MAG: variants seen among roughly 807,000 people sequenced by gnomAD.
The protein encoded by MAG is myelin associated glycoprotein, also known as myelin-associated glycoprotein.
A neutral mutation model predicts 60.7 loss-of-function variants in MAG; 30 were observed. The observed-to-expected ratio is 0.49, with a 90% CI of 0.37 to 0.67. MAG has a LOEUF of 0.67. Among genes scored for constraint, MAG ranks in the 30% least tolerant of loss-of-function variants. The probability of loss-of-function intolerance (pLI) is 0.00; values close to 1 mark genes in which losing one functional copy is unlikely to be tolerated. For missense variants in MAG, 795 were observed against 851.7 expected (o/e 0.93, Z 0.83); for synonymous variants, 384 against 376.8 (o/e 1.02, Z -0.22).
chr19:35,298,819 A>G (rs1298238828), intron 4 of MAG, among the ~76,000 whole-genome samples: 1 of 149,454 alleles, frequency 6.7e-6, no homozygotes, highest in African/African-American at 2.5e-5. Flanking sequence ...CTGCACACAT[A>G]CATGTACTAC....
At chr19:35,306,395 T>C (rs1394513206) in intron 7 of MAG, among the ~76,000 whole-genome samples, 1 of 152,138 alleles carries the variant, frequency 6.6e-6, no homozygotes, top group South Asian at 2.1e-4. Context: ...GTTCTGTCTA[T>C]CCACCCATGA....
intron 5 of MAG, 97 bp downstream of exon 5, chr19:35,299,947 G>C (rs1267087454): frequency 5.7e-6 from 7 of 1,229,666 alleles, no homozygotes; most frequent in Non-Finnish European, 7.3e-6. Flanking sequence ...GGGCCGGGCC[G>C]TGATGGGGGC....
chr19:35,302,509 T>C lies in MAG; in HGVS notation c.1032T>C (p.Ser344=), dbSNP rs1285384991. The C allele has an allele frequency of 7.4e-6, 12 of 1,614,098 alleles. No individual in the cohort carries two copies. The highest frequency in any genetic ancestry group is 1.3e-5 in the African/African-American group (1 of 74,938). The change falls in exon 7 of 11, where the codon TCT becomes TCC. Residue 344 remains serine, a synonymous_variant. Coordinates refer to ENST00000392213, the MANE Select transcript of MAG (RefSeq NM_002361.4). ...TMVAVEGETV[S]ILCSTQSNPD... ...TGGCCGTAGAGGGGGAGACGGTCTC[T>C]ATCTTGTGCTCCACACAGAGCAACC...
intron 10 of MAG, 134 bp downstream of exon 10, chr19:35,312,151 G>A (rs1384345538): frequency 1.6e-6 from 2 of 1,249,336 alleles, no homozygotes; most frequent in Non-Finnish European, 1.2e-6. Context: ...ACATTCCAGG[G>A]CTGGGTTGGA....
At chr19:35,311,012 A>G (rs2066522865) in intron 9 of MAG, among the ~76,000 whole-genome samples, 2 of 145,432 alleles carry the variant, frequency 1.4e-5, no homozygotes, top group South Asian at 2.2e-4. Context: ...AGAAGCCCCA[A>G]AGATTACACA....
chr19:35,300,297 T>G lies in MAG; in HGVS notation c.863T>G (p.Leu288Arg). The change falls in exon 6 of 11, where the codon CTG (leucine) becomes CGG (arginine). Residue 288 changes from leucine to arginine, a missense_variant. Physicochemically the swap from Leu to Arg is moderately radical, Grantham distance 102 (BLOSUM62 -2). Coordinates refer to ENST00000392213, the MANE Select transcript of MAG (RefSeq NM_002361.4). ...CTCCGGGAGGCGGTGGCCGAGAGCCTGCTCCTGGAGCTGGAGGAGGTGACC... is the reference window on the plus strand; with the variant it reads ...CTCCGGGAGGCGGTGGCCGAGAGCCGGCTCCTGGAGCTGGAGGAGGTGACC... ...TVLREAVAESLLLELEEVTPA... is the reference protein window; with the variant it reads ...TVLREAVAESRLLELEEVTPA... 1 of 1,599,772 alleles carries G rather than the reference T, an allele frequency of 6.3e-7. No individual in the cohort carries two copies. Among genetic ancestry groups the G allele is most frequent in the Non-Finnish European group, 8.5e-7 (1 of 1,179,278 alleles).
Position 35,302,540 on chromosome 19 carries a change from C to A in MAG, c.1063C>A (p.Pro355Thr). 1.2e-6 allele frequency: 2 copies of A among 1,614,182 alleles called. No individual in the cohort carries two copies. The highest frequency in any genetic ancestry group is 1.7e-6 in the Non-Finnish European group (2 of 1,180,032). The change falls in exon 7 of 11, where the codon CCT (proline) becomes ACT (threonine). Residue 355 changes from proline (P) to threonine (T), a missense_variant. Transcript: ENST00000392213. The stretch of plus-strand genomic sequence containing the variant: ...GTGCTCCACACAGAGCAACCCGGAC[C>A]CTATTCTCACCATCTTCAAGGAGAA... The part of the protein sequence containing the change: ...ILCSTQSNPD[P>T]ILTIFKEKQI...
rs760694257 is a variant in MAG, at chr19:35,299,707, G to A, written c.569G>A (p.Arg190Gln). ...LGEPAVLGRL[R>Q]EDEGTWVQVS... The stretch of plus-strand genomic sequence containing the variant: ...GAGCCCGCTGTGCTGGGCCGGCTGC[G>A]GGAGGACGAGGGCACCTGGGTGCAG... Residue 190 changes from arginine (R) to glutamine (Q), a missense_variant, in exon 5 of 11, where the codon CGG becomes CAG. Coordinates refer to ENST00000392213, the MANE Select transcript of MAG (RefSeq NM_002361.4). 25 of 1,578,782 alleles carry A rather than the reference G, an allele frequency of 1.6e-5. No individual in the cohort carries two copies. The highest frequency in any genetic ancestry group is 2.0e-5 in the Non-Finnish European group (23 of 1,163,710).
rs80076378 is a variant in MAG at position 35,309,716 on chromosome 19, G to A, written c.1232-158G>A. ...TCGTAGTGAGGTCAAGGCGCTCTCAGTCAGGACAGAGAAAAAAGGAGGGGA... is the reference window on the plus strand; with the variant it reads ...TCGTAGTGAGGTCAAGGCGCTCTCAATCAGGACAGAGAAAAAAGGAGGGGA... On this transcript the variant is annotated intron_variant, in intron 7 of 10. Transcript: ENST00000392213. 6,615 of 807,966 alleles carry A rather than the reference G, an allele frequency of 8.2e-3. 282 individuals carry two copies. The East Asian group carries it at 0.1, about 13-fold the overall frequency. The allele number at this position is 807,966 out of a possible 1,614,324, so 50.0% of individuals were successfully genotyped here. A position where few individuals can be genotyped will look rare whatever the true frequency, so the allele number is the denominator to read the frequency against.
chr19:35,312,391 T>C (rs1416966757), intron 10 of MAG: 1 of 1,395,446 alleles, frequency 7.2e-7, no homozygotes. Flanking sequence ...TTGGCGTGCA[T>C]GTCCGTGTGT....
rs2066457058 is a variant in MAG at position 35,302,626 on chromosome 19, A to G, written c.1149A>G (p.Ser383=). 1.2e-6 allele frequency: 2 copies of G among 1,614,062 alleles called. No individual in the cohort carries two copies. The highest frequency in any genetic ancestry group is 8.5e-7 in the Non-Finnish European group (1 of 1,180,042). ...SELQLELPAV[S]PEDDGEYWCV... The stretch of plus-strand genomic sequence containing the variant: ...TGCAGCTGGAGCTGCCGGCCGTGTC[A>G]CCCGAGGATGATGGAGAGTACTGGT... The change falls in exon 7 of 11, where the codon TCA becomes TCG. Residue 383 remains serine (S), a synonymous_variant. Coordinates refer to ENST00000392213, the MANE Select transcript of MAG (RefSeq NM_002361.4).
At chr19:35,297,528 C>CTA (rs2066409460) in intron 4 of MAG, among the ~76,000 whole-genome samples, 1 of 145,370 alleles carries the variant, frequency 6.9e-6, no homozygotes, top group African/African-American at 2.5e-5. Context: ...ACCACACACA[C>CTA]CACACACTAC....
At chr19:35,312,334 CG>C in intron 10 of MAG, 2 of 1,611,448 alleles carry the variant, frequency 1.2e-6, no homozygotes, top group Non-Finnish European at 8.5e-7. Flanking sequence ...AGGTAGGTTC[CG>C]GGGGCCTCAG....
In MAG at chr19:35,309,246, A is replaced by T. The variant is rs147291954; in HGVS notation, c.1232-628A>T. ...CCACCCCGAAATGAGGCCACTTGGG[A>T]TTCCAAAGAGAGAGGCACTAAACCA... On this transcript the variant is annotated intron_variant, in intron 7 of 10. Coordinates refer to ENST00000392213, the MANE Select transcript of MAG (RefSeq NM_002361.4). 3.9e-3 allele frequency among the ~76,000 whole-genome samples: 601 copies of T among 152,218 alleles called. 11 individuals carry two copies. The highest frequency in any genetic ancestry group is 0.034 in the Admixed American group (519 of 15,284).
At chr19:35,294,335 A>C (rs1489764426) in intron 2 of MAG, 45 bp downstream of exon 2, 1 of 429,130 alleles carries the variant, frequency 2.3e-6, no homozygotes, top group Non-Finnish European at 4.6e-6. Flanking sequence ...TCAGCTTTGC[A>C]ATGCTGGCCC....
chr19:35,300,162 T>A lies in MAG; in HGVS notation c.728T>A (p.Val243Glu). 6.5e-7 allele frequency: 1 copy of A among 1,539,980 alleles called. No homozygotes were observed. The highest frequency in any genetic ancestry group is 1.2e-5 in the South Asian group (1 of 82,620). ...CGGGCCTTAGACCCCCCGGTGATTG[T>A]GGAGATGAACTCCTCGGTGGAGGCC... ...SMDVKYPPVI[V>E]EMNSSVEAIE... The change falls in exon 6 of 11, where the codon GTG becomes GAG. Residue 243 changes from valine to glutamate, a missense_variant. Transcript: ENST00000392213.
intron 7 of MAG, among the ~76,000 whole-genome samples, chr19:35,305,267 T>A (rs61614091): frequency 0.03 from 4,530 of 152,200 alleles, 222 homozygotes; most frequent in African/African-American, 0.1. Context: ...GCACCAGGTC[T>A]CCAATGTTCA....
At chr19:35,297,278 C>T (rs2066405979) in intron 4 of MAG, among the ~76,000 whole-genome samples, 1 of 143,806 alleles carries the variant, frequency 7.0e-6, no homozygotes, top group African/African-American at 2.6e-5. Flanking sequence ...ACTTCATACA[C>T]TACACACACT....
intron 7 of MAG, among the ~76,000 whole-genome samples, chr19:35,306,640 GTTGCCC>G (rs2066487703): frequency 6.6e-6 from 1 of 152,158 alleles, no homozygotes; most frequent in Non-Finnish European, 1.5e-5. Context: ...GTCTTGCTCT[GTTGCCC>G]AGGCTGGTCT....
Sources: gnomAD v4.1 joint callset for allele counts (sites outside exome capture counted in the v4.1 genomes callset) on GRCh38, gnomAD v4.1.1 for gene constraint, MANE v1.5 for transcripts, NCBI Gene and HGNC (gene_info 2026-07-23, HGNC 2026-07-21) for gene names.